Variants in BCLAF3 observed in about 807,000 individuals in gnomAD.
BCLAF3 encodes the protein BCLAF1 and THRAP3 family member 3.
Under a neutral mutation model 51.2 loss-of-function variants are expected in BCLAF3, and 24 were observed. That is an observed-to-expected ratio of 0.47 (90% CI 0.34 to 0.66). The LOEUF (loss-of-function observed/expected upper bound fraction) is 0.66, where lower values mean the gene tolerates loss of function less well. BCLAF3 is among the 30% of genes least tolerant of loss of function. BCLAF3 has a pLI of 0.01. For synonymous variants in BCLAF3, 152 were observed against 176.6 expected (o/e 0.86, Z 1.10); for missense variants, 465 against 525.1 (o/e 0.89, Z 1.12).
chrX:19,960,127 AT>A (rs201237762), intron 4 of BCLAF3, among the ~76,000 whole-genome samples: 1 of 110,922 alleles, frequency 9.0e-6, no homozygotes, highest in Admixed American at 9.5e-5. Flanking sequence ...GGCCAATTTA[AT>A]TTTTTTTAAC....
chrX:19,989,932 C>T (rs1209523073), intron 1 of BCLAF3, among the ~76,000 whole-genome samples: 1 of 110,925 alleles, frequency 9.0e-6, no homozygotes, highest in African/African-American at 3.3e-5. Flanking sequence ...TTAAAAAAAA[C>T]ATTAAAAATA....
chrX:19,937,599 G>T (rs2070819943), intron 8 of BCLAF3, 67 bp from the exon 9 acceptor site: 3 of 588,394 alleles, frequency 5.1e-6, no homozygotes, highest in Non-Finnish European at 5.3e-6. Context: ...AAATAAACAA[G>T]AATAATTTTA....
intron 10 of BCLAF3, among the ~76,000 whole-genome samples, chrX:19,931,138 T>C (rs978896249): frequency 8.9e-6 from 1 of 112,454 alleles, no homozygotes; most frequent in Non-Finnish European, 1.9e-5. Context: ...ACATTAGACA[T>C]AAGAGGACAA....
intron 10 of BCLAF3, among the ~76,000 whole-genome samples, chrX:19,932,412 G>A (rs1196337452): frequency 9.0e-6 from 1 of 111,184 alleles, no homozygotes; most frequent in Non-Finnish European, 1.9e-5. Flanking sequence ...ATTTGTAAAT[G>A]ATTAAGGCTG....
At chrX:19,921,278 C>A (rs1228489848) in intron 11 of BCLAF3, among the ~76,000 whole-genome samples, 1 of 111,328 alleles carries the variant, frequency 9.0e-6, no homozygotes, top group Non-Finnish European at 1.9e-5. Context: ...ATGAAACAAG[C>A]GAGAAGACTC....
At chrX:19,960,218 TAC>T (rs2071806147) in intron 4 of BCLAF3, among the ~76,000 whole-genome samples, 1 of 111,895 alleles carries the variant, frequency 8.9e-6, no homozygotes, top group Non-Finnish European at 1.9e-5. Flanking sequence ...TTCTAATATA[TAC>T]TAAAGTTCAG....
intron 4 of BCLAF3, among the ~76,000 whole-genome samples, chrX:19,956,330 G>C (rs1360392995): frequency 9.0e-6 from 1 of 111,491 alleles, no homozygotes; most frequent in East Asian, 2.8e-4. Context: ...CAATTATTCA[G>C]GGCTTACCAC....
chrX:19,977,086 T>C (rs1184346456), intron 1 of BCLAF3, among the ~76,000 whole-genome samples: 2 of 111,857 alleles, frequency 1.8e-5, no homozygotes, highest in East Asian at 5.6e-4. Flanking sequence ...AAATGTAGTA[T>C]GTGTTCTGAT....
rs2072045340 is a variant in BCLAF3 at position 19,966,154 on chromosome X, T to C, written c.537A>G (p.Ile179Met). The change falls in exon 3 of 12, where the codon ATA becomes ATG. Residue 179 changes from isoleucine (I) to methionine (M), a missense_variant. Ile to Met is a conservative substitution (Grantham distance 10). Coordinates refer to ENST00000379682, the MANE Select transcript of BCLAF3 (RefSeq NM_001367774.2). ...WHEDELRHQR[I>M]QEEKYSQSTR... ...TTGACTGGGAGTATTTTTCTTCTTGTATCCTCTGGTGCCTCAACTCATCTT... is the reference window on the plus strand; with the variant it reads ...TTGACTGGGAGTATTTTTCTTCTTGCATCCTCTGGTGCCTCAACTCATCTT... The C allele has an allele frequency of 8.3e-7, 1 of 1,209,844 alleles. No individual in the cohort carries two copies. The highest frequency in any genetic ancestry group is 2.2e-5 in the Admixed American group (1 of 45,711).
chrX:19,987,881 CAA>C (rs2072856824), intron 1 of BCLAF3, among the ~76,000 whole-genome samples: 1 of 111,806 alleles, frequency 8.9e-6, no homozygotes, highest in East Asian at 2.8e-4. Flanking sequence ...AAGCCAGCCT[CAA>C]AAAAGTTAAC....
At chrX:19,941,160 T>C (rs2071024247) in intron 8 of BCLAF3, among the ~76,000 whole-genome samples, 1 of 109,259 alleles carries the variant, frequency 9.2e-6, no homozygotes, top group South Asian at 3.7e-4. Context: ...CATTGTAGAT[T>C]CTGGATATTA....
chrX:19,988,552 G>A (rs761069767), intron 1 of BCLAF3, among the ~76,000 whole-genome samples: 297 of 111,838 alleles, frequency 2.7e-3, no homozygotes, highest in Middle Eastern at 9.2e-3. Flanking sequence ...CAGGAGAATC[G>A]CTCGAGCTCA....
chrX:19,925,577 A>C (rs906604644), intron 11 of BCLAF3, among the ~76,000 whole-genome samples: 1 of 111,706 alleles, frequency 9.0e-6, no homozygotes, highest in African/African-American at 3.3e-5. Context: ...GATGCTGTTC[A>C]GACTAAGATT....
chrX:19,921,729 G>A (rs906569014), intron 11 of BCLAF3, among the ~76,000 whole-genome samples: 44 of 107,575 alleles, frequency 4.1e-4, no homozygotes, highest in African/African-American at 1.3e-3. Flanking sequence ...GGCCAGGCGT[G>A]GTAGCTCATG....
At chrX:19,923,819 A>G (rs1487121977) in intron 11 of BCLAF3, among the ~76,000 whole-genome samples, 3 of 107,394 alleles carry the variant, frequency 2.8e-5, no homozygotes, top group African/African-American at 1.1e-4. Flanking sequence ...GCATGTTTCA[A>G]TGCAAGTTTG....
chrX:19,962,756 T>C (rs1422309483), intron 4 of BCLAF3, among the ~76,000 whole-genome samples: 1 of 111,446 alleles, frequency 9.0e-6, no homozygotes, highest in Non-Finnish European at 1.9e-5. Context: ...CTTTTCTGTA[T>C]GTTTGAACAT....
intron 10 of BCLAF3, 133 bp from the exon 11 acceptor site, chrX:19,930,073 GAACTCCTCAA>G: frequency 1.8e-6 from 1 of 568,056 alleles, no homozygotes; most frequent in Non-Finnish European, 2.7e-6. Flanking sequence ...GACTGAGGCA[GAACTCCTCAA>G]GCTGATCGCT....
chrX:19,954,760 A>G (rs1725558902), intron 5 of BCLAF3, among the ~76,000 whole-genome samples: 1 of 112,466 alleles, frequency 8.9e-6, no homozygotes, highest in African/African-American at 3.2e-5. Flanking sequence ...GAAGGCCTCC[A>G]GTTTGTAATA....
intron 4 of BCLAF3, among the ~76,000 whole-genome samples, chrX:19,957,523 C>G (rs1475540702): frequency 1.8e-5 from 2 of 111,559 alleles, no homozygotes; most frequent in African/African-American, 6.5e-5. Flanking sequence ...TCAGTTTATC[C>G]CAAGAGGAAA....
Sources: gnomAD v4.1 joint callset for allele counts (sites outside exome capture counted in the v4.1 genomes callset) on GRCh38, gnomAD v4.1.1 for gene constraint, MANE v1.5 for transcripts, NCBI Gene and HGNC (gene_info 2026-07-23, HGNC 2026-07-21) for gene names.